The following INTS9 variants were observed in gnomAD, a reference collection of about 807,000 sequenced individuals.
INTS9 encodes integrator complex subunit 9, also known as protein related to CPSF subunits of 74 kDa.
INTS9 carries 55 observed loss-of-function variants against 79.7 expected under a neutral mutation model. The observed-to-expected ratio is 0.69, with a 90% CI of 0.56 to 0.86. The LOEUF (loss-of-function observed/expected upper bound fraction) is 0.86, where lower values mean the gene tolerates loss of function less well. Among genes scored for constraint, INTS9 ranks in the 40% least tolerant of loss-of-function variants. The pLI, the probability that INTS9 is intolerant of heterozygous loss-of-function variation, is 0.00. For missense variants in INTS9, 721 were observed against 831.5 expected (o/e 0.87, Z 1.64); for synonymous variants, 319 against 325.2 (o/e 0.98, Z 0.20).
intron 11 of INTS9, among the ~76,000 whole-genome samples, chr8:28,786,331 G>T (rs1465747039): frequency 6.6e-6 from 1 of 151,616 alleles, no homozygotes; most frequent in East Asian, 1.9e-4. Flanking sequence ...ACCCAGACTG[G>T]TGTGCAGTAA....
intron 6 of INTS9, among the ~76,000 whole-genome samples, chr8:28,831,595 G>A (rs1278860705): frequency 1.3e-5 from 2 of 152,182 alleles, no homozygotes; most frequent in African/African-American, 4.8e-5. Context: ...GGCCAAATGG[G>A]AGGCAAAGGC....
In INTS9 at chr8:28,842,614, A is replaced by T. The variant is rs1807256323; in HGVS notation, c.261+4133T>A. ...CTTCTGTTAACTCCTCTGGTGTGTT[A>T]ATAGGCTCCTGAATTTCTCCAAGCT... On this transcript the variant is annotated intron_variant, in intron 4 of 16. Transcript: ENST00000521022. Among the ~76,000 whole-genome samples, 3 of 151,924 alleles carry T rather than the reference A, an allele frequency of 2.0e-5. No individual in the cohort carries two copies. In the South Asian group the frequency reaches 6.2e-4, roughly 31 times the overall value.
intron 1 of INTS9, among the ~76,000 whole-genome samples, chr8:28,875,103 T>A (rs1258654080): frequency 1.3e-5 from 2 of 152,122 alleles, no homozygotes; most frequent in Non-Finnish European, 2.9e-5. Flanking sequence ...CCCGCCCCCA[T>A]GATTCAACCA....
At chr8:28,774,145 A>G (rs1384173938) in intron 14 of INTS9, among the ~76,000 whole-genome samples, 3 of 152,192 alleles carry the variant, frequency 2.0e-5, no homozygotes, top group African/African-American at 7.2e-5. Context: ...GTACTTACTG[A>G]TAGGTGAAAA....
At chr8:28,862,522 C>T (rs74978950) in intron 1 of INTS9, among the ~76,000 whole-genome samples, 3 of 152,292 alleles carry the variant, frequency 2.0e-5, no homozygotes, top group East Asian at 1.9e-4. Context: ...CACTTTAGTG[C>T]GTAAGTCTTT....
rs930024834 is a variant in INTS9 at position 28,812,552 on chromosome 8, C to T, written c.610-91G>A. On this transcript the variant is annotated intron_variant, in intron 7 of 16. Transcript: ENST00000521022. ...CAGGGAAAAACAACAGAAATATCCT[C>T]AGTTTAAAAACAAAAATTATTTTAA... 3.6e-5 allele frequency: 51 copies of T among 1,404,220 alleles called. 1 individual carries two copies. In the Middle Eastern group the frequency reaches 9.4e-4, roughly 26 times the overall value. 87.0% of individuals were successfully genotyped at this position (1,404,220 alleles called of 1,614,324 possible).
At chr8:28,813,812 G>A (rs1041250030) in intron 6 of INTS9, 200 bp from the exon 7 acceptor site, 3 of 489,760 alleles carry the variant, frequency 6.1e-6, no homozygotes, top group Non-Finnish European at 1.1e-5. Context: ...CCAGGCTGGA[G>A]TGCTATGGCG....
intron 6 of INTS9, 94 bp downstream of exon 6, chr8:28,835,198 C>A (rs977771644): frequency 5.2e-6 from 4 of 770,360 alleles, no homozygotes; most frequent in Admixed American, 2.8e-5. Flanking sequence ...ATAACCAAAT[C>A]ATTGTTTAAG....
At chr8:28,873,265 G>C (rs1809192227) in intron 1 of INTS9, among the ~76,000 whole-genome samples, 2 of 152,064 alleles carry the variant, frequency 1.3e-5, no homozygotes, top group South Asian at 4.2e-4. Flanking sequence ...AATTTCTTAA[G>C]GTTTCCTGAA....
chr8:28,859,769 T>C (rs1429565904), intron 1 of INTS9: 9 of 641,624 alleles, frequency 1.4e-5, no homozygotes, highest in Non-Finnish European at 2.6e-5. Context: ...ATCACACCCA[T>C]CTGTCTTTTC....
chr8:28,881,962 G>A lies in INTS9; in HGVS notation c.9+7912C>T, dbSNP rs1237995167. Among the ~76,000 whole-genome samples, 17 of 145,662 alleles carry A rather than the reference G, an allele frequency of 1.2e-4. No individual in the cohort carries two copies. The South Asian group carries it at 2.0e-3, about 17-fold the overall frequency. On this transcript the variant is annotated intron_variant, in intron 1 of 16. Transcript: ENST00000521022. Reference sequence around the variant, plus strand: ...ACCCCGTCTGGGAGGTGTGCCCAGCGGCTCATTGGGGATGGGCCATGATGA... The same window carrying A: ...ACCCCGTCTGGGAGGTGTGCCCAGCAGCTCATTGGGGATGGGCCATGATGA...
intron 7 of INTS9, 85 bp downstream of exon 7, chr8:28,813,407 G>T: frequency 2.9e-6 from 4 of 1,372,844 alleles, no homozygotes; most frequent in Non-Finnish European, 4.1e-6. Flanking sequence ...CTTTAAAAAC[G>T]TAACTATAGG....
intron 7 of INTS9, among the ~76,000 whole-genome samples, chr8:28,813,071 T>TC (rs1805245042): frequency 6.6e-6 from 1 of 152,316 alleles, no homozygotes; most frequent in African/African-American, 2.4e-5. Context: ...CTTTCCTTTT[T>TC]CATTTTCAGT....
intron 6 of INTS9, among the ~76,000 whole-genome samples, chr8:28,817,555 T>G (rs1160105208): frequency 6.6e-6 from 1 of 152,246 alleles, no homozygotes; most frequent in East Asian, 1.9e-4. Flanking sequence ...TTGGTTACTG[T>G]AGCCTTGCAG....
At chr8:28,859,373 C>A in intron 2 of INTS9, 63 bp downstream of exon 2, 1 of 1,582,528 alleles carries the variant, frequency 6.3e-7, no homozygotes, top group Non-Finnish European at 8.6e-7. Flanking sequence ...AACCTTCATA[C>A]TAATGGTACC....
chr8:28,771,405 C>T (rs1802531636), intron 14 of INTS9, among the ~76,000 whole-genome samples: 1 of 152,106 alleles, frequency 6.6e-6, no homozygotes, highest in African/African-American at 2.4e-5. Context: ...ACGGCTTTAC[C>T]TGGGGGGTGG....
intron 5 of INTS9, among the ~76,000 whole-genome samples, chr8:28,836,769 G>C (rs569444173): frequency 2.0e-5 from 3 of 152,212 alleles, no homozygotes; most frequent in East Asian, 3.9e-4. Flanking sequence ...TTTCCTATGA[G>C]AGCCCTTCCT....
chr8:28,777,265 C>A (rs1467560470), intron 13 of INTS9, among the ~76,000 whole-genome samples: 1 of 152,166 alleles, frequency 6.6e-6, no homozygotes, highest in Non-Finnish European at 1.5e-5. Flanking sequence ...TCCCGACTCT[C>A]AAGAGCCAGA....
chr8:28,803,921 T>G (rs1208561253), intron 8 of INTS9, among the ~76,000 whole-genome samples: 1 of 152,106 alleles, frequency 6.6e-6, no homozygotes, highest in Non-Finnish European at 1.5e-5. Context: ...GAATCTATTT[T>G]TATTTTTATT....
Sources: allele counts gnomAD v4.1 joint callset (sites outside exome capture counted in the v4.1 genomes callset), GRCh38; gene constraint gnomAD v4.1.1; transcripts MANE v1.5; gene names NCBI Gene and HGNC (gene_info 2026-07-23, HGNC 2026-07-21).